The following AGBL1 variants were observed in gnomAD, a reference collection of about 807,000 sequenced individuals.
The protein encoded by AGBL1 is cytosolic carboxypeptidase 4.
Under a neutral mutation model 118.9 loss-of-function variants are expected in AGBL1, and 130 were observed. The observed-to-expected ratio is 1.09, with a 90% CI of 0.95 to 1.26. The LOEUF is 1.26. Ranked by LOEUF, AGBL1 falls within the 50% of genes most tolerant of loss-of-function variation. AGBL1 has a pLI of 0.00. For missense variants in AGBL1, 1,584 were observed against 1,298.1 expected (o/e 1.22, Z -3.38); for synonymous variants, 555 against 478.9 (o/e 1.16, Z -2.08).
chr15:86,833,846 C>T (rs1337494473), intron 22 of AGBL1, among the ~76,000 whole-genome samples: 2 of 152,228 alleles, frequency 1.3e-5, no homozygotes, highest in East Asian at 3.9e-4. Context: ...ATAGAATTTA[C>T]ACATCTCAGC....
rs564775270 is a variant in AGBL1 at position 86,734,953 on chromosome 15, T to A, written c.3158+60517T>A. 1.1e-4 allele frequency among the ~76,000 whole-genome samples: 17 copies of A among 152,242 alleles called. No homozygotes were observed. The East Asian group carries it at 3.1e-3, about 28-fold the overall frequency. ...GTTCCCTCCCACAAACACATATACA[T>A]GCCCCAGATTCAGGATGTGTTTCCA... On this transcript the variant is annotated intron_variant, in intron 22 of 22. Coordinates refer to ENST00000614907, the MANE Select transcript of AGBL1 (RefSeq NM_001386094.1).
chr15:86,305,540 T>G (rs927049691), intron 17 of AGBL1, among the ~76,000 whole-genome samples: 5 of 152,210 alleles, frequency 3.3e-5, no homozygotes, highest in African/African-American at 1.2e-4. Flanking sequence ...TCCAACTATT[T>G]TTATATTTCA....
chr15:86,744,976 G>T (rs902260990), intron 22 of AGBL1, among the ~76,000 whole-genome samples: 8 of 152,224 alleles, frequency 5.3e-5, no homozygotes, highest in African/African-American at 1.9e-4. Context: ...TACCTATTAG[G>T]GATAGGGCTA....
At chr15:86,306,640 T>C (rs2079846004) in intron 17 of AGBL1, among the ~76,000 whole-genome samples, 1 of 152,180 alleles carries the variant, frequency 6.6e-6, no homozygotes, top group South Asian at 2.1e-4. Flanking sequence ...AGTGCAAATA[T>C]CTCTTTGATA....
intron 22 of AGBL1, among the ~76,000 whole-genome samples, chr15:86,725,015 A>G (rs1386959329): frequency 1.3e-5 from 2 of 152,302 alleles, no homozygotes; most frequent in Non-Finnish European, 1.5e-5. Context: ...CAATGCAAAA[A>G]TGGCCGAATA....
intron 18 of AGBL1, among the ~76,000 whole-genome samples, chr15:86,464,472 C>T (rs538297227): frequency 5.0e-4 from 76 of 152,246 alleles, no homozygotes; most frequent in African/African-American, 1.8e-3. Context: ...ACTTCCAATA[C>T]TATGTTGAAT....
intron 22 of AGBL1, among the ~76,000 whole-genome samples, chr15:86,816,970 A>G (rs1272117203): frequency 6.6e-6 from 1 of 152,128 alleles, no homozygotes; most frequent in African/African-American, 2.4e-5. Flanking sequence ...ATAATTCAAG[A>G]TTCCATAAAC....
chr15:86,268,937 G>C (rs193116243), intron 13 of AGBL1, among the ~76,000 whole-genome samples: 42 of 152,354 alleles, frequency 2.8e-4, no homozygotes, highest in Non-Finnish European at 7.3e-5. Context: ...GCAATGCAAA[G>C]AGAATACCAA....
chr15:86,594,244 G>A (rs2084377250), intron 21 of AGBL1, among the ~76,000 whole-genome samples: 1 of 151,816 alleles, frequency 6.6e-6, no homozygotes, highest in Non-Finnish European at 1.5e-5. Flanking sequence ...TGCATCCCGG[G>A]GATAAAACAT....
At chr15:86,708,030 C>T (rs1567133158) in intron 22 of AGBL1, among the ~76,000 whole-genome samples, 1 of 152,080 alleles carries the variant, frequency 6.6e-6, no homozygotes, top group Non-Finnish European at 1.5e-5. Flanking sequence ...CTTTCATTTT[C>T]CTTCTGTAGT....
chr15:86,979,233 T>G (rs1444245417), intron 23 of AGBL1, among the ~76,000 whole-genome samples: 1 of 152,180 alleles, frequency 6.6e-6, no homozygotes, highest in African/African-American at 2.4e-5. Context: ...AGCCGCTCTT[T>G]AAGAAAAATC....
chr15:86,689,687 T>A (rs1198857167), intron 22 of AGBL1, among the ~76,000 whole-genome samples: 1 of 152,110 alleles, frequency 6.6e-6, no homozygotes, highest in African/African-American at 2.4e-5. Context: ...TAGAGAACTT[T>A]TATGTATTAA....
intron 22 of AGBL1, among the ~76,000 whole-genome samples, chr15:86,684,818 C>T (rs952344303): frequency 3.3e-5 from 5 of 152,142 alleles, no homozygotes; most frequent in Non-Finnish European, 7.4e-5. Flanking sequence ...GGTACAGCTA[C>T]TGACACCCTC....
intron 22 of AGBL1, among the ~76,000 whole-genome samples, chr15:86,845,154 G>A (rs1044159879): frequency 2.0e-5 from 3 of 151,912 alleles, no homozygotes; most frequent in African/African-American, 7.3e-5. Flanking sequence ...TCATTTCAAT[G>A]TACATTTTAA....
At chr15:86,646,398 G>C (rs1261013990) in intron 21 of AGBL1, among the ~76,000 whole-genome samples, 1 of 152,132 alleles carries the variant, frequency 6.6e-6, no homozygotes, top group Non-Finnish European at 1.5e-5. Context: ...TCGAACTTGA[G>C]AGTGCTTTCC....
chr15:86,095,646 CCTTTTTTTTTTTTTTTTT>C lies in AGBL1; in HGVS notation c.51+15624_51+15641del, dbSNP rs1381302735. Among the ~76,000 whole-genome samples the C allele has an allele frequency of 1.9e-3, 227 of 116,682 alleles. 4 individuals are homozygous for C. The highest frequency in any genetic ancestry group is 9.9e-3 in the Middle Eastern group (2 of 202). 76.5% of individuals were successfully genotyped at this position (116,682 alleles called of 152,430 possible). ...TCATAATGTCACATGACCTTGGATA[CCTTTTTTTTTTTTTTTTT>C]TTTTTTTTTTTACCTTACAGCAATT... On this transcript the variant is annotated intron_variant, in intron 1 of 22. Transcript: ENST00000614907.
chr15:86,464,256 A>C (rs1206606975), intron 18 of AGBL1, among the ~76,000 whole-genome samples: 2 of 152,148 alleles, frequency 1.3e-5, no homozygotes, highest in African/African-American at 4.8e-5. Context: ...TTATTGGTGT[A>C]TAGGAATGCT....
At chr15:86,682,831 G>C (rs1488482441) in intron 22 of AGBL1, among the ~76,000 whole-genome samples, 1 of 152,040 alleles carries the variant, frequency 6.6e-6, no homozygotes, top group Non-Finnish European at 1.5e-5. Context: ...TAGATGCTGT[G>C]CTAAGCATTT....
chr15:86,369,440 A>G (rs771940223), intron 17 of AGBL1, among the ~76,000 whole-genome samples: 5 of 152,204 alleles, frequency 3.3e-5, no homozygotes, highest in Non-Finnish European at 7.4e-5. Context: ...TTTGATTGAC[A>G]CTAATAGATA....
Sources: allele counts gnomAD v4.1 joint callset (sites outside exome capture counted in the v4.1 genomes callset), GRCh38; gene constraint gnomAD v4.1.1; transcripts MANE v1.5; gene names NCBI Gene and HGNC (gene_info 2026-07-23, HGNC 2026-07-21).